SEMA4D: variants seen among roughly 807,000 people sequenced by gnomAD.
SEMA4D encodes the protein semaphorin-4D.
Under a neutral mutation model 74.8 loss-of-function variants are expected in SEMA4D, and 22 were observed. The ratio of observed to expected loss-of-function variants is 0.29; its 90% CI spans 0.21 to 0.42. The LOEUF (loss-of-function observed/expected upper bound fraction) is 0.42. Among genes scored for constraint, SEMA4D ranks in the 10% least tolerant of loss-of-function variants. SEMA4D has a pLI of 1.00. For synonymous variants in SEMA4D, 445 were observed against 463.7 expected (o/e 0.96, Z 0.52); for missense variants, 937 against 1,118.4 (o/e 0.84, Z 2.31).
intron 2 of SEMA4D, among the ~76,000 whole-genome samples, chr9:89,407,933 G>C (rs1587660607): frequency 6.6e-6 from 1 of 152,240 alleles, no homozygotes; most frequent in African/African-American, 2.4e-5. Flanking sequence ...CTGTATAACT[G>C]ATTGGTAATT....
At chr9:89,437,508 C>A (rs926571252) in intron 2 of SEMA4D, among the ~76,000 whole-genome samples, 12 of 152,224 alleles carry the variant, frequency 7.9e-5, no homozygotes, top group African/African-American at 2.7e-4. Flanking sequence ...CCAGCACCAA[C>A]CCTAGCAGGC....
In SEMA4D at chr9:89,364,932, G is replaced by GA. The variant is rs1283379239; in HGVS notation, c.1883-983dup. The GA allele has an allele frequency of 2.9e-5, 3 of 102,582 alleles. No homozygotes were observed. In the Admixed American group the frequency reaches 3.8e-4, roughly 13 times the overall value. The allele number at this position is 102,582 out of a possible 1,614,324, so 6.4% of individuals were successfully genotyped here. On this transcript the variant is annotated intron_variant, in intron 16 of 18. Coordinates refer to the SEMA4D transcript ENST00000339861. ...GGCTGGGGTGGGGCTGTGAAAACCA[G>GA]AATGTTGGGGGTTTTGGGCGGGGGG...
chr9:89,362,499 GTCTC>G, intron 18 of SEMA4D: 2 of 1,613,590 alleles, frequency 1.2e-6, no homozygotes, highest in Non-Finnish European at 1.7e-6. Flanking sequence ...AGCCCAGTCT[GTCTC>G]ATAGCCCATC....
Position 89,387,500 on chromosome 9 carries a change from G to A in SEMA4D, c.1216C>T (p.Pro406Ser), listed in dbSNP as rs770952167. 24 of 1,614,188 alleles carry A rather than the reference G, an allele frequency of 1.5e-5. No individual in the cohort carries two copies. The highest frequency in any genetic ancestry group is 2.0e-5 in the Non-Finnish European group (24 of 1,180,026). Residue 406 changes from proline (P) to serine (S), a missense_variant, in exon 12 of 16, where the codon CCA becomes TCA. Transcript: ENST00000422704. ...DHPLMDDSVT[P>S]IDNRPRLIKK... ...ATTAACCTGGGCCTGTTGTCTATTG[G>A]GGTTACCGAGTCATCCATCAAAGGG...
chr9:89,449,761 A>G (rs1853897003), intron 2 of SEMA4D: 2 of 1,514,868 alleles, frequency 1.3e-6, no homozygotes, highest in African/African-American at 1.4e-5. Context: ...AAGAAAGAAA[A>G]AGAGATGAAG....
intron 1 of SEMA4D, among the ~76,000 whole-genome samples, chr9:89,464,913 C>T (rs1338852578): frequency 6.6e-6 from 1 of 152,220 alleles, no homozygotes; most frequent in Non-Finnish European, 1.5e-5. Context: ...CAAGCATATG[C>T]TGGCTCTAAA....
chr9:89,409,366 T>C (rs759846390), intron 2 of SEMA4D, among the ~76,000 whole-genome samples: 8 of 152,124 alleles, frequency 5.3e-5, no homozygotes, highest in African/African-American at 9.7e-5. Flanking sequence ...GCCTACAGAA[T>C]GTACAACACC....
At chr9:89,392,582 G>C (rs1214017630) in intron 7 of SEMA4D, 46 bp from the exon 8 acceptor site, 4 of 1,204,022 alleles carry the variant, frequency 3.3e-6, no homozygotes, top group Non-Finnish European at 5.0e-6. Context: ...CAACCTCTCA[G>C]GCTATGGCAC....
intron 2 of SEMA4D, among the ~76,000 whole-genome samples, chr9:89,425,561 G>A (rs1042315350): frequency 5.3e-5 from 8 of 152,134 alleles, no homozygotes; most frequent in African/African-American, 7.2e-5. Flanking sequence ...ACTAACCCTC[G>A]TATCTGACAT....
Position 89,492,805 on chromosome 9 carries a change from C to T in SEMA4D, c.-310+5114G>A, listed in dbSNP as rs554236162. The stretch of plus-strand genomic sequence containing the variant: ...AGACTGCCCGAGCTCCTGCAAGGCC[C>T]GCCCCGCACCGCCCTCCTACCATTG... On this transcript the variant is annotated intron_variant, in intron 1 of 15. Coordinates refer to ENST00000422704, the MANE Select transcript of SEMA4D (RefSeq NM_001371194.2). The surrounding 1 kb of genome is among the most constrained non-coding windows in gnomAD (Gnocchi z 4.3). Among the ~76,000 whole-genome samples the T allele has an allele frequency of 6.6e-6, 1 of 152,310 alleles. No individual in the cohort carries two copies. The highest frequency in any genetic ancestry group is 1.9e-4 in the East Asian group (1 of 5,192).
At chr9:89,384,068 C>T (rs1837835231) in intron 13 of SEMA4D, among the ~76,000 whole-genome samples, 1 of 152,202 alleles carries the variant, frequency 6.6e-6, no homozygotes, top group Non-Finnish European at 1.5e-5. Flanking sequence ...CTCAGCATCC[C>T]AAGGAGTCCT....
At chr9:89,397,870 C>T (rs1189409599) in intron 5 of SEMA4D, among the ~76,000 whole-genome samples, 3 of 152,178 alleles carry the variant, frequency 2.0e-5, no homozygotes, top group East Asian at 1.9e-4. Flanking sequence ...CAGGTAGGGA[C>T]ATGATGGCTC....
In SEMA4D at chr9:89,362,058, G is replaced by A. The variant is rs755393259; in HGVS notation, c.*344C>T. ...AGCCTTCAGAGCCTGCTGCCTGACC[G>A]TAGAGGAGGAACCTGCACACACCCT... On this transcript the variant is annotated 3_prime_UTR_variant, in exon 19 of 19. Coordinates refer to the SEMA4D transcript ENST00000339861. 4.1e-4 allele frequency: 187 copies of A among 460,886 alleles called. 1 individual carries two copies. Among genetic ancestry groups the A allele is most frequent in the Non-Finnish European group, 6.3e-4 (158 of 250,978 alleles). The allele number at this position is 460,886 out of a possible 1,614,324, so 28.5% of individuals were successfully genotyped here.
intron 1 of SEMA4D, among the ~76,000 whole-genome samples, chr9:89,463,705 G>A (rs1250414009): frequency 6.6e-6 from 1 of 152,216 alleles, no homozygotes; most frequent in African/African-American, 2.4e-5. Flanking sequence ...GGAGGCTGAG[G>A]CGGGCATATC....
chr9:89,390,545 AG>A (rs1399613617), intron 9 of SEMA4D, among the ~76,000 whole-genome samples: 2 of 152,234 alleles, frequency 1.3e-5, no homozygotes, highest in Non-Finnish European at 2.9e-5. Flanking sequence ...TAGGCATGAA[AG>A]GAACCCTGCT....
At chr9:89,413,590 T>A (rs1776320319) in intron 2 of SEMA4D, among the ~76,000 whole-genome samples, 2 of 152,376 alleles carry the variant, frequency 1.3e-5, no homozygotes, top group African/African-American at 4.8e-5. Flanking sequence ...TGTGTACATG[T>A]GTATGTCTGC....
intron 1 of SEMA4D, among the ~76,000 whole-genome samples, chr9:89,464,769 G>C (rs1285924842): frequency 6.6e-6 from 1 of 152,048 alleles, no homozygotes. Flanking sequence ...AATGGGCAGG[G>C]TTGCAGGGGT....
At chr9:89,426,883 C>T (rs550090720) in intron 2 of SEMA4D, among the ~76,000 whole-genome samples, 2 of 152,304 alleles carry the variant, frequency 1.3e-5, no homozygotes, top group South Asian at 2.1e-4. Context: ...CACAGAAGTG[C>T]TAAAAATAGA....
At chr9:89,457,537 G>C (rs539003126) in intron 1 of SEMA4D, among the ~76,000 whole-genome samples, 1 of 151,748 alleles carries the variant, frequency 6.6e-6, no homozygotes, top group East Asian at 1.9e-4. Context: ...AGAAGTTCAA[G>C]ACCAGCCTGG....
Sources: allele counts gnomAD v4.1 joint callset (sites outside exome capture counted in the v4.1 genomes callset), GRCh38; gene constraint gnomAD v4.1.1; non-coding constraint Gnocchi (gnomAD v3.1); transcripts MANE v1.5; gene names NCBI Gene and HGNC (gene_info 2026-07-23, HGNC 2026-07-21).